The following KLHL32 variants were observed in gnomAD, a reference collection of about 807,000 sequenced individuals.
KLHL32 encodes the protein kelch-like protein 32.
In KLHL32, 35 loss-of-function variants were observed where a neutral mutation model predicts 64.8. That is an observed-to-expected ratio of 0.54 (90% CI 0.41 to 0.72). KLHL32 has a LOEUF of 0.72. Ranked by LOEUF, KLHL32 falls within the 30% of genes least tolerant of loss-of-function variation. The pLI, the probability that KLHL32 is intolerant of heterozygous loss-of-function variation, is 0.00. For missense variants in KLHL32, 589 were observed against 768.5 expected, an observed-to-expected ratio of 0.77 and a Z score of 2.76; for synonymous variants, 259 against 281.0, an observed-to-expected ratio of 0.92 and a Z score of 0.78.
chr6:97,109,673 T>C (rs1355490918), intron 6 of KLHL32, among the ~76,000 whole-genome samples: 1 of 152,180 alleles, frequency 6.6e-6, no homozygotes, highest in Non-Finnish European at 1.5e-5. Context: ...AGAAGATTGA[T>C]TATGGCATAG....
rs1275023452 is a variant in KLHL32 at position 97,075,860 on chromosome 6, T to C, written c.412-9266T>C. Among the ~76,000 whole-genome samples the C allele has an allele frequency of 1.3e-5, 2 of 152,202 alleles. 1 individual carries two copies. Among genetic ancestry groups the C allele is most frequent in the Non-Finnish European group, 2.9e-5 (2 of 68,034 alleles). On this transcript the variant is annotated intron_variant, in intron 5 of 10. Transcript: ENST00000369261. ...GAATTTCTAAAGCCGTATACACTTT[T>C]TTGTCTTAATTATGCATTCATTAAA...
chr6:97,021,824 C>G (rs1782026119), intron 3 of KLHL32, among the ~76,000 whole-genome samples: 1 of 150,984 alleles, frequency 6.6e-6, no homozygotes, highest in Non-Finnish European at 1.5e-5. Context: ...AATCAAACTT[C>G]CAGTTTTCTC....
At chr6:96,918,721 G>A in the KLHL32 span, among the ~76,000 whole-genome samples, 24 of 152,264 alleles carry the variant, frequency 1.6e-4, no homozygotes, top group Middle Eastern at 6.8e-3. Flanking sequence ...CATTCAGTGG[G>A]TTACTCATCA....
chr6:96,961,741 A>G (rs1773906864), intron 1 of KLHL32, among the ~76,000 whole-genome samples: 1 of 152,150 alleles, frequency 6.6e-6, no homozygotes, highest in Admixed American at 6.5e-5. Context: ...GCACAAGGGT[A>G]ATTGAGCTGT....
intron 3 of KLHL32, among the ~76,000 whole-genome samples, chr6:97,019,294 T>C (rs1781665612): frequency 6.6e-6 from 1 of 152,214 alleles, no homozygotes; most frequent in African/African-American, 2.4e-5. Context: ...AGACAGAGAT[T>C]AGTGTGAAGA....
intron 1 of KLHL32, 27 bp from the exon 2 acceptor site, chr6:96,966,969 A>T (rs1774522764): frequency 8.5e-7 from 1 of 1,172,958 alleles, no homozygotes; most frequent in African/African-American, 1.5e-5. Context: ...AGCTCAATGC[A>T]CCCTTTTCTC....
intron 6 of KLHL32, among the ~76,000 whole-genome samples, chr6:97,108,150 T>G (rs1443062133): frequency 2.0e-5 from 3 of 152,208 alleles, no homozygotes; most frequent in Non-Finnish European, 4.4e-5. Context: ...CCTCCTAAAC[T>G]GAATCTGTTG....
chr6:96,976,846 G>A (rs371997412), intron 3 of KLHL32, among the ~76,000 whole-genome samples: 2 of 152,178 alleles, frequency 1.3e-5, no homozygotes, highest in East Asian at 1.9e-4. Flanking sequence ...TAATCTGCCC[G>A]CCTCGGCCTC....
At chr6:97,060,606 C>A (rs1284450001) in intron 4 of KLHL32, among the ~76,000 whole-genome samples, 1 of 152,128 alleles carries the variant, frequency 6.6e-6, no homozygotes, top group Non-Finnish European at 1.5e-5. Context: ...GACCAGGAGT[C>A]CCAGTCTTAT....
At chr6:97,076,256 A>G (rs1002018031) in intron 5 of KLHL32, among the ~76,000 whole-genome samples, 1 of 152,234 alleles carries the variant, frequency 6.6e-6, no homozygotes, top group African/African-American at 2.4e-5. Context: ...TCCATATTAG[A>G]CATTCAGTGT....
chr6:97,128,802 A>G (rs1799138202), intron 8 of KLHL32, among the ~76,000 whole-genome samples: 2 of 152,236 alleles, frequency 1.3e-5, no homozygotes, highest in African/African-American at 2.4e-5. Context: ...CCTGGCAGGC[A>G]CTGCAGTGAA....
At chr6:96,945,431 A>C (rs537636808) in intron 1 of KLHL32, among the ~76,000 whole-genome samples, 6 of 152,342 alleles carry the variant, frequency 3.9e-5, no homozygotes, top group Admixed American at 2.6e-4. Context: ...TGTGGAGAGA[A>C]TAAAGGTGCA....
At chr6:96,938,250 G>C (rs1770850682) in intron 1 of KLHL32, among the ~76,000 whole-genome samples, 1 of 151,886 alleles carries the variant, frequency 6.6e-6, no homozygotes, top group South Asian at 2.1e-4. Context: ...TGAAGTTATA[G>C]TTACAAGATA....
chr6:96,973,654 A>T (rs1315386889), intron 2 of KLHL32, among the ~76,000 whole-genome samples: 3 of 151,878 alleles, frequency 2.0e-5, no homozygotes, highest in African/African-American at 7.3e-5. Flanking sequence ...GATTCATTAT[A>T]CATAATATAA....
the KLHL32 span, among the ~76,000 whole-genome samples, chr6:96,915,849 C>T: frequency 1.4e-3 from 213 of 152,206 alleles, 1 homozygote; most frequent in African/African-American, 4.7e-3. Flanking sequence ...GCAGAAAACA[C>T]AGAAAAAGCT....
At chr6:96,986,247 G>T (rs757263485) in intron 3 of KLHL32, among the ~76,000 whole-genome samples, 7 of 152,162 alleles carry the variant, frequency 4.6e-5, no homozygotes, top group Non-Finnish European at 1.0e-4. Flanking sequence ...TGTCTCAGAG[G>T]AGTATCCGGC....
chr6:97,072,772 A>G (rs761011975), intron 5 of KLHL32, among the ~76,000 whole-genome samples: 7 of 152,106 alleles, frequency 4.6e-5, no homozygotes, highest in South Asian at 2.1e-4. Flanking sequence ...TGCCTGATCA[A>G]TCTACTCAGT....
chr6:97,117,448 C>T (rs1797910143), intron 7 of KLHL32, among the ~76,000 whole-genome samples: 1 of 152,112 alleles, frequency 6.6e-6, no homozygotes, highest in Non-Finnish European at 1.5e-5. Flanking sequence ...CCAGCGTGCT[C>T]ACTCCCTCTC....
intron 6 of KLHL32, among the ~76,000 whole-genome samples, chr6:97,099,000 G>A (rs1795347584): frequency 6.6e-6 from 1 of 152,108 alleles, no homozygotes; most frequent in South Asian, 2.1e-4. Context: ...TATCTTATAG[G>A]TTCGCTATGT....
Sources: allele counts gnomAD v4.1 joint callset (sites outside exome capture counted in the v4.1 genomes callset), GRCh38; gene constraint gnomAD v4.1.1; transcripts MANE v1.5; gene names NCBI Gene and HGNC (gene_info 2026-07-23, HGNC 2026-07-21).